DPP10: variants seen among roughly 807,000 people sequenced by gnomAD.
DPP10 encodes inactive dipeptidyl peptidase 10.
DPP10 carries 33 observed loss-of-function variants against 120.9 expected under a neutral mutation model. That is an observed-to-expected ratio of 0.27 (90% CI 0.21 to 0.37). The LOEUF is 0.37. DPP10 is among the 10% of genes least tolerant of loss of function. The pLI, the probability that DPP10 is intolerant of heterozygous loss-of-function variation, is 1.00. For missense variants in DPP10, 816 were observed against 942.8 expected, an observed-to-expected ratio of 0.87 and a Z score of 1.76; for synonymous variants, 337 against 326.1, an observed-to-expected ratio of 1.03 and a Z score of -0.36.
chr2:115,058,295 AAAAAAAAAG>A (rs1300133176), intron 1 of DPP10, among the ~76,000 whole-genome samples: 4 of 130,102 alleles, frequency 3.1e-5, no homozygotes, highest in African/African-American at 1.2e-4. Flanking sequence ...AAAAAAAAAA[AAAAAAAAAG>A]GCACACTCCT....
chr2:115,261,030 G>T (rs1441727411), intron 1 of DPP10, among the ~76,000 whole-genome samples: 1 of 151,858 alleles, frequency 6.6e-6, no homozygotes. Context: ...CTGCATAGAG[G>T]CATTGTCTGG....
intron 1 of DPP10, among the ~76,000 whole-genome samples, chr2:115,001,903 C>T (rs977176373): frequency 2.0e-5 from 3 of 152,116 alleles, no homozygotes; most frequent in African/African-American, 4.8e-5. Context: ...AATGGAAAAA[C>T]ATTCTATGCT....
intron 1 of DPP10, among the ~76,000 whole-genome samples, chr2:114,652,026 C>T (rs1462016461): frequency 1.3e-5 from 2 of 152,002 alleles, no homozygotes; most frequent in African/African-American, 4.8e-5. Flanking sequence ...CTCTGATTAG[C>T]AAAGTTGGGA....
chr2:114,835,662 T>G (rs570308567), intron 1 of DPP10: 2 of 152,292 alleles, frequency 1.3e-5, no homozygotes, highest in African/African-American at 4.8e-5. Context: ...GAGGTCAAGA[T>G]CTTGTTTCCT....
chr2:115,137,639 T>C (rs1441748485), intron 1 of DPP10, among the ~76,000 whole-genome samples: 1 of 152,088 alleles, frequency 6.6e-6, no homozygotes, highest in Non-Finnish European at 1.5e-5. Context: ...AATTATGGTT[T>C]GGAGAGAGCT....
chr2:114,679,668 A>G (rs1480670959), intron 1 of DPP10, among the ~76,000 whole-genome samples: 1 of 152,056 alleles, frequency 6.6e-6, no homozygotes, highest in Non-Finnish European at 1.5e-5. Flanking sequence ...TAGAACTACA[A>G]GAGAAATTTA....
chr2:114,476,804 C>A (rs893970804), intron 1 of DPP10, among the ~76,000 whole-genome samples: 1 of 152,022 alleles, frequency 6.6e-6, no homozygotes, highest in Non-Finnish European at 1.5e-5. Context: ...ACACAGATAC[C>A]CATGCCTGTA....
intron 2 of DPP10, among the ~76,000 whole-genome samples, chr2:115,330,625 A>C (rs2062667083): frequency 6.6e-6 from 1 of 152,050 alleles, no homozygotes; most frequent in Admixed American, 6.6e-5. Context: ...GGTGTAAGGA[A>C]GGGATCCAGT....
intron 1 of DPP10, among the ~76,000 whole-genome samples, chr2:114,949,575 G>T (rs1247396990): frequency 1.3e-5 from 2 of 152,178 alleles, no homozygotes; most frequent in Non-Finnish European, 2.9e-5. Context: ...GGCCTGAGTG[G>T]TGGGCCCCAA....
intron 1 of DPP10, among the ~76,000 whole-genome samples, chr2:114,688,351 T>C (rs576840868): frequency 6.6e-6 from 1 of 152,078 alleles, no homozygotes; most frequent in Admixed American, 6.6e-5. Context: ...ATAATTCTCT[T>C]CTATTTTTTC....
intron 1 of DPP10, among the ~76,000 whole-genome samples, chr2:114,607,600 A>G (rs1167723681): frequency 6.6e-6 from 1 of 152,158 alleles, no homozygotes; most frequent in Non-Finnish European, 1.5e-5. Context: ...CCTAGTAGTC[A>G]ACAGATTCCT....
At chr2:115,553,919 A>G (rs1263387341) in intron 5 of DPP10, among the ~76,000 whole-genome samples, 6 of 151,398 alleles carry the variant, frequency 4.0e-5, no homozygotes, top group Non-Finnish European at 7.4e-5. Context: ...GAATTATTCA[A>G]TGTTTCAGGT....
At chr2:114,629,195 T>A (rs901498762) in intron 1 of DPP10, among the ~76,000 whole-genome samples, 5 of 126,602 alleles carry the variant, frequency 3.9e-5, no homozygotes, top group African/African-American at 1.9e-4. Context: ...AAAATTGCTA[T>A]CATTAATTTT....
At chr2:115,646,230 G>C (rs373272507) in intron 5 of DPP10, among the ~76,000 whole-genome samples, 1 of 152,066 alleles carries the variant, frequency 6.6e-6, no homozygotes, top group Non-Finnish European at 1.5e-5. Flanking sequence ...GCTTCTACCT[G>C]GCAGTGATGG....
At chr2:114,875,329 G>A (rs530051796) in intron 1 of DPP10, among the ~76,000 whole-genome samples, 3 of 152,252 alleles carry the variant, frequency 2.0e-5, no homozygotes, top group South Asian at 2.1e-4. Context: ...ATAGCCATTT[G>A]GGACAGCAGA....
rs538943927 is a variant in DPP10 at position 114,511,892 on chromosome 2, C to A, written c.60+69054C>A. On this transcript the variant is annotated intron_variant, in intron 1 of 25. Transcript: ENST00000410059. Reference sequence around the variant, plus strand: ...ATTGTCTGTGAGCTTCAAATTGCTTCTTGTCCTGTATTGTTTCCAGATGAT... The same window carrying A: ...ATTGTCTGTGAGCTTCAAATTGCTTATTGTCCTGTATTGTTTCCAGATGAT... 9.8e-5 allele frequency among the ~76,000 whole-genome samples: 15 copies of A among 152,328 alleles called. No individual in the cohort carries two copies. In the South Asian group the frequency reaches 3.1e-3, roughly 32 times the overall value.
At chr2:114,549,835 G>A (rs889945653) in intron 1 of DPP10, among the ~76,000 whole-genome samples, 8 of 152,144 alleles carry the variant, frequency 5.3e-5, no homozygotes, top group Non-Finnish European at 1.2e-4. Flanking sequence ...CTGAGAGCTG[G>A]AGGGGGTGTA....
intron 1 of DPP10, among the ~76,000 whole-genome samples, chr2:115,038,302 G>C (rs964995730): frequency 6.6e-6 from 1 of 150,716 alleles, no homozygotes; most frequent in African/African-American, 2.4e-5. Flanking sequence ...ATGGAGTCTC[G>C]CTCTGTTGCC....
intron 3 of DPP10, among the ~76,000 whole-genome samples, chr2:115,416,079 G>A (rs1043061557): frequency 1.3e-5 from 2 of 151,804 alleles, no homozygotes; most frequent in East Asian, 1.9e-4. Context: ...GAATACTGAG[G>A]TAATTAGACT....
Sources: allele counts gnomAD v4.1 joint callset (sites outside exome capture counted in the v4.1 genomes callset), GRCh38; gene constraint gnomAD v4.1.1; transcripts MANE v1.5; gene names NCBI Gene and HGNC (gene_info 2026-07-23, HGNC 2026-07-21).